C1QTNF3: variants seen among roughly 807,000 people sequenced by gnomAD.
The protein encoded by C1QTNF3 is complement C1q tumor necrosis factor-related protein 3.
Under a neutral mutation model 32.6 loss-of-function variants are expected in C1QTNF3, and 26 were observed. The observed-to-expected ratio is 0.80, with a 90% CI of 0.58 to 1.11. The LOEUF is 1.11. Ranked by LOEUF, C1QTNF3 falls within the 50% of genes least tolerant of loss-of-function variation. C1QTNF3 has a pLI of 0.00. For missense variants in C1QTNF3, 362 were observed against 398.2 expected (o/e 0.91, Z 0.77); for synonymous variants, 155 against 146.0 (o/e 1.06, Z -0.44).
At chr5:34,125,772 T>C in the C1QTNF3 span, among the ~76,000 whole-genome samples, 1 of 152,366 alleles carries the variant, frequency 6.6e-6, no homozygotes, top group Admixed American at 6.5e-5. Flanking sequence ...GCATTTCATA[T>C]TTCTTATATT....
chr5:34,024,075 T>A, intron 4 of C1QTNF3, 67 bp from the exon 5 acceptor site: 1 of 1,250,948 alleles, frequency 8.0e-7, no homozygotes, highest in South Asian at 1.2e-5. Context: ...TGGAGATACC[T>A]GGAGATTTGC....
the C1QTNF3 span, chr5:34,175,857 A>G: frequency 2.5e-6 from 2 of 794,710 alleles, no homozygotes; most frequent in Non-Finnish European, 4.6e-6. Flanking sequence ...ATTCCAGATG[A>G]GCTCTCCAAC....
At chr5:34,146,897 C>A in the C1QTNF3 span, among the ~76,000 whole-genome samples, 1 of 152,024 alleles carries the variant, frequency 6.6e-6, no homozygotes, top group African/African-American at 2.4e-5. Flanking sequence ...AGAAAATATT[C>A]GCAAATATAT....
the C1QTNF3 span, among the ~76,000 whole-genome samples, chr5:34,116,220 G>T: frequency 6.6e-6 from 1 of 152,046 alleles, no homozygotes; most frequent in African/African-American, 2.4e-5. Flanking sequence ...TGAGGTTGAA[G>T]AATATAATTT....
the C1QTNF3 span, among the ~76,000 whole-genome samples, chr5:34,177,100 G>C: frequency 6.6e-6 from 1 of 151,998 alleles, no homozygotes; most frequent in South Asian, 2.1e-4. Flanking sequence ...GGCTGAGGAG[G>C]AAGGATCACT....
At chr5:34,029,359 C>CA (rs1754556027) in intron 3 of C1QTNF3, among the ~76,000 whole-genome samples, 1 of 151,460 alleles carries the variant, frequency 6.6e-6, no homozygotes, top group African/African-American at 2.4e-5. Flanking sequence ...AGGCTGGTCT[C>CA]AAACTCCTAG....
chr5:34,222,317 T>C, the C1QTNF3 span, among the ~76,000 whole-genome samples: 2 of 151,980 alleles, frequency 1.3e-5, no homozygotes, highest in African/African-American at 4.8e-5. Context: ...TAGGGCACAA[T>C]TGTAAATGGT....
chr5:34,064,065 T>C, the C1QTNF3 span, among the ~76,000 whole-genome samples: 2 of 152,138 alleles, frequency 1.3e-5, no homozygotes, highest in Non-Finnish European at 2.9e-5. Flanking sequence ...GGAAGCTGGT[T>C]CTGGGCAGAC....
chr5:34,218,734 T>G, the C1QTNF3 span, among the ~76,000 whole-genome samples: 1 of 152,122 alleles, frequency 6.6e-6, no homozygotes, highest in African/African-American at 2.4e-5. Context: ...TCTAGAACTC[T>G]AGGTAAACGA....
At chr5:34,071,198 G>C in the C1QTNF3 span, among the ~76,000 whole-genome samples, 2 of 152,094 alleles carry the variant, frequency 1.3e-5, no homozygotes, top group Admixed American at 6.5e-5. Flanking sequence ...ATTTAAGGTG[G>C]TCATTTTCTT....
At chr5:34,153,711 T>A in the C1QTNF3 span, among the ~76,000 whole-genome samples, 2 of 85,956 alleles carry the variant, frequency 2.3e-5, no homozygotes, top group African/African-American at 9.2e-5. Context: ...TGTGGTGGGG[T>A]CGGGGGAGGG....
At chr5:34,109,522 A>T in the C1QTNF3 span, among the ~76,000 whole-genome samples, 1 of 151,914 alleles carries the variant, frequency 6.6e-6, no homozygotes, top group Non-Finnish European at 1.5e-5. Flanking sequence ...TTGGGGTATA[A>T]AGTAAGATAT....
the C1QTNF3 span, chr5:34,167,329 C>G: frequency 2.6e-5 from 4 of 152,154 alleles, no homozygotes; most frequent in African/African-American, 9.7e-5. Flanking sequence ...ACGTTTCAAG[C>G]TTAATGCATC....
the C1QTNF3 span, among the ~76,000 whole-genome samples, chr5:34,140,377 GAGAGGAA>G: frequency 6.6e-6 from 1 of 152,154 alleles, no homozygotes; most frequent in Non-Finnish European, 1.5e-5. Flanking sequence ...TGAGTTCTTA[GAGAGGAA>G]AGGAGATTAA....
chr5:34,213,092 G>A, the C1QTNF3 span, among the ~76,000 whole-genome samples: 1 of 152,128 alleles, frequency 6.6e-6, no homozygotes, highest in Non-Finnish European at 1.5e-5. Context: ...ATTTTCAATA[G>A]AACACTACCA....
chr5:34,161,530 C>A, the C1QTNF3 span, among the ~76,000 whole-genome samples: 2 of 152,070 alleles, frequency 1.3e-5, no homozygotes, highest in African/African-American at 4.8e-5. Flanking sequence ...TTCTTAATAT[C>A]AAATATGTAT....
At chr5:34,243,808 T>C in the C1QTNF3 span, among the ~76,000 whole-genome samples, 1 of 151,416 alleles carries the variant, frequency 6.6e-6, no homozygotes, top group South Asian at 2.1e-4. Context: ...TGCTGCAGGC[T>C]ATGGGGGTGG....
At chr5:34,135,693 C>A in the C1QTNF3 span, among the ~76,000 whole-genome samples, 7 of 147,448 alleles carry the variant, frequency 4.7e-5, no homozygotes, top group African/African-American at 1.8e-4. Context: ...AACAAACAAA[C>A]AAAAAACAAA....
the C1QTNF3 span, among the ~76,000 whole-genome samples, chr5:34,123,747 AT>A: frequency 1.3e-5 from 2 of 151,852 alleles, no homozygotes; most frequent in African/African-American, 4.8e-5. Flanking sequence ...AAATGCTGCA[AT>A]TTTTTTCATA....
Sources: allele counts gnomAD v4.1 joint callset (sites outside exome capture counted in the v4.1 genomes callset), GRCh38; gene constraint gnomAD v4.1.1; transcripts MANE v1.5; gene names NCBI Gene and HGNC (gene_info 2026-07-23, HGNC 2026-07-21).